Variants in GRM8 observed in about 807,000 individuals in gnomAD.
GRM8 encodes glutamate metabotropic receptor 8.
In GRM8, 47 loss-of-function variants were observed where a neutral mutation model predicts 87.2. The observed-to-expected ratio is 0.54, with a 90% confidence interval of 0.43 to 0.69. The LOEUF (loss-of-function observed/expected upper bound fraction) is 0.69, where lower values mean the gene tolerates loss of function less well. Ranked by LOEUF, GRM8 falls within the 30% of genes least tolerant of loss-of-function variation. GRM8 has a pLI of 0.00. For synonymous variants in GRM8, 396 were observed against 404.5 expected (o/e 0.98, Z 0.25); for missense variants, 1,019 against 1,139.2 (o/e 0.89, Z 1.52).
chr7:126,562,191 A>G (rs141617803), intron 8 of GRM8, among the ~76,000 whole-genome samples: 70 of 152,292 alleles, frequency 4.6e-4, no homozygotes, highest in African/African-American at 1.6e-3. Flanking sequence ...AGAGTGAACT[A>G]AAGTGGAGAG....
intron 9 of GRM8, among the ~76,000 whole-genome samples, chr7:126,508,208 G>C (rs933742901): frequency 6.6e-6 from 1 of 151,180 alleles, no homozygotes; most frequent in Non-Finnish European, 1.5e-5. Context: ...TGCTATAATA[G>C]AATACCACAG....
chr7:127,125,685 C>T (rs1407144751), intron 2 of GRM8, among the ~76,000 whole-genome samples: 1 of 151,202 alleles, frequency 6.6e-6, no homozygotes, highest in Non-Finnish European at 1.5e-5. Context: ...AGATAACCTG[C>T]ATAATTAGAG....
chr7:127,076,726 G>A (rs553944154), intron 3 of GRM8, among the ~76,000 whole-genome samples: 16 of 152,276 alleles, frequency 1.1e-4, no homozygotes, highest in Middle Eastern at 3.4e-3. Flanking sequence ...CTTGGCCATC[G>A]TGTCCATTCC....
chr7:126,461,437 T>C (rs897329055), intron 9 of GRM8, among the ~76,000 whole-genome samples: 3 of 151,570 alleles, frequency 2.0e-5, no homozygotes, highest in Non-Finnish European at 4.4e-5. Flanking sequence ...AACTGCTCTT[T>C]CCAAGAGAGT....
chr7:126,590,330 A>G (rs1239820111), intron 8 of GRM8, among the ~76,000 whole-genome samples: 3 of 151,992 alleles, frequency 2.0e-5, no homozygotes, highest in Admixed American at 6.6e-5. Context: ...AACAAAGACA[A>G]AGAAAAAAAG....
chr7:126,698,993 A>T (rs897696866), intron 7 of GRM8, among the ~76,000 whole-genome samples: 1 of 152,152 alleles, frequency 6.6e-6, no homozygotes, highest in Admixed American at 6.6e-5. Flanking sequence ...CTTTCTTTGG[A>T]ATGTGGTGAA....
intron 3 of GRM8, among the ~76,000 whole-genome samples, chr7:127,034,790 A>G (rs1164637905): frequency 6.6e-6 from 1 of 152,174 alleles, no homozygotes; most frequent in Non-Finnish European, 1.5e-5. Context: ...TCATGGAGAC[A>G]AAATTGGTTT....
intron 2 of GRM8, among the ~76,000 whole-genome samples, chr7:127,153,431 G>T (rs1240973448): frequency 6.6e-6 from 1 of 152,142 alleles, no homozygotes; most frequent in East Asian, 1.9e-4. Context: ...GACACATGAT[G>T]AATTAGCCTA....
At chr7:126,967,736 G>T (rs761424703) in intron 3 of GRM8, among the ~76,000 whole-genome samples, 1 of 152,180 alleles carries the variant, frequency 6.6e-6, no homozygotes, top group Non-Finnish European at 1.5e-5. Context: ...CAAGGTTTCA[G>T]ATGTTATTTC....
intron 3 of GRM8, among the ~76,000 whole-genome samples, chr7:126,946,595 A>G (rs1807565723): frequency 6.6e-6 from 1 of 152,192 alleles, no homozygotes; most frequent in Non-Finnish European, 1.5e-5. Flanking sequence ...TGTTCAGGAG[A>G]GGCTAGTTAT....
intron 8 of GRM8, among the ~76,000 whole-genome samples, chr7:126,607,680 C>A (rs925629441): frequency 1.3e-5 from 2 of 151,948 alleles, no homozygotes; most frequent in South Asian, 4.2e-4. Context: ...TACTGTCTAC[C>A]GTTCTTTTTT....
At chr7:126,751,699 T>G (rs1221948290) in intron 7 of GRM8, among the ~76,000 whole-genome samples, 1 of 152,186 alleles carries the variant, frequency 6.6e-6, no homozygotes, top group African/African-American at 2.4e-5. Context: ...TAGTGAAAAT[T>G]CATAAACTAG....
At chr7:126,795,644 G>A (rs191910355) in intron 6 of GRM8, among the ~76,000 whole-genome samples, 66 of 152,180 alleles carry the variant, frequency 4.3e-4, no homozygotes, top group African/African-American at 1.6e-3. Context: ...GCCTTGAAGC[G>A]TTCACCTGGC....
intron 6 of GRM8, among the ~76,000 whole-genome samples, chr7:126,880,212 T>G (rs1414593097): frequency 6.6e-6 from 1 of 152,210 alleles, no homozygotes; most frequent in Admixed American, 6.5e-5. Context: ...TCAGCTCATG[T>G]GCCTCCACAC....
intron 3 of GRM8, among the ~76,000 whole-genome samples, chr7:126,988,749 T>C (rs927708537): frequency 1.3e-5 from 2 of 152,238 alleles, no homozygotes; most frequent in African/African-American, 2.4e-5. Flanking sequence ...AACAGGAACA[T>C]ACAAACTATA....
chr7:127,110,689 A>C (rs139385179), intron 2 of GRM8, among the ~76,000 whole-genome samples: 1 of 152,116 alleles, frequency 6.6e-6, no homozygotes, highest in Non-Finnish European at 1.5e-5. Context: ...TTCTTCTCTC[A>C]CTATATTCTC....
chr7:127,056,013 C>A (rs1819949785), intron 3 of GRM8, among the ~76,000 whole-genome samples: 1 of 152,142 alleles, frequency 6.6e-6, no homozygotes, highest in Non-Finnish European at 1.5e-5. Flanking sequence ...TCCTTGCTAG[C>A]AGTCCTTACT....
intron 6 of GRM8, among the ~76,000 whole-genome samples, chr7:126,771,795 T>C (rs559737312): frequency 1.8e-4 from 28 of 152,206 alleles, no homozygotes; most frequent in South Asian, 6.2e-4. Context: ...TTCCCTAAAA[T>C]ATCCTACTGA....
intron 9 of GRM8, 133 bp downstream of exon 9, chr7:126,532,819 A>T: frequency 3.2e-6 from 1 of 313,248 alleles, no homozygotes; most frequent in Non-Finnish European, 5.7e-6. Context: ...ATATATATGC[A>T]TGCTAAGTAA....
Sources: allele counts gnomAD v4.1 joint callset (sites outside exome capture counted in the v4.1 genomes callset), GRCh38; gene constraint gnomAD v4.1.1; transcripts MANE v1.5; gene names NCBI Gene and HGNC (gene_info 2026-07-23, HGNC 2026-07-21).